DIP2C: variants seen among roughly 807,000 people sequenced by gnomAD.
The protein encoded by DIP2C is DIP2 acetate--CoA ligase C (putative).
In DIP2C, 33 loss-of-function variants were observed where a neutral mutation model predicts 192.4. That is an observed-to-expected ratio of 0.17 (90% CI 0.13 to 0.23). DIP2C has a LOEUF of 0.23. Among genes scored for constraint, DIP2C ranks in the 10% least tolerant of loss-of-function variants. The probability of loss-of-function intolerance (pLI) is 1.00; values close to 1 mark genes in which losing one functional copy is unlikely to be tolerated. For synonymous variants in DIP2C, 979 were observed against 864.1 expected (o/e 1.13, Z -2.33); for missense variants, 1,537 against 2,110.1 (o/e 0.73, Z 5.32).
At chr10:590,491 T>C (rs1851335831) in intron 1 of DIP2C, among the ~76,000 whole-genome samples, 1 of 152,220 alleles carries the variant, frequency 6.6e-6, no homozygotes, top group Non-Finnish European at 1.5e-5. Flanking sequence ...GCTGGTATCT[T>C]ACGGCATATC....
intron 5 of DIP2C, among the ~76,000 whole-genome samples, chr10:419,452 A>G (rs940177262): frequency 6.6e-6 from 1 of 152,238 alleles, no homozygotes; most frequent in African/African-American, 2.4e-5. Flanking sequence ...GAGCCATGTC[A>G]GCAGCATTTT....
intron 2 of DIP2C, among the ~76,000 whole-genome samples, chr10:473,169 A>G (rs186623615): frequency 7.1e-4 from 108 of 152,334 alleles, no homozygotes; most frequent in Middle Eastern, 3.4e-3. Flanking sequence ...GGTCAGATAA[A>G]AACGGTTTAA....
At chr10:464,296 C>A (rs1302255624) in intron 3 of DIP2C, among the ~76,000 whole-genome samples, 5 of 151,082 alleles carry the variant, frequency 3.3e-5, no homozygotes, top group African/African-American at 1.2e-4. Context: ...AACAAATTTA[C>A]AAGAAAAAAC....
At chr10:602,947 C>T (rs372621748) in intron 1 of DIP2C, among the ~76,000 whole-genome samples, 10 of 152,116 alleles carry the variant, frequency 6.6e-5, no homozygotes, top group African/African-American at 1.4e-4. Flanking sequence ...CACCCCTCAC[C>T]GGAGCCGTTG....
chr10:656,163 A>G (rs1412857909), intron 1 of DIP2C, among the ~76,000 whole-genome samples: 1 of 3,058 alleles, frequency 3.3e-4, no homozygotes, highest in Non-Finnish European at 7.7e-4. Flanking sequence ...TGTTTCTTCT[A>G]TTCTATGTTA....
At position 448,774 on chromosome 10, in the gene DIP2C, C is replaced by A. The variant is rs12252513; in HGVS notation, c.269-7778G>T. Among the ~76,000 whole-genome samples, 101 of 143,256 alleles carry A rather than the reference C, an allele frequency of 7.1e-4. 1 individual carries two copies. The highest frequency in any genetic ancestry group is 2.6e-3 in the African/African-American group (98 of 37,186). The allele number at this position is 143,256 out of a possible 152,430, so 94.0% of individuals were successfully genotyped here. On this transcript the variant is annotated intron_variant, in intron 3 of 36. Transcript: ENST00000280886. ...GGCAGCAGGACCCACTCACCCCTGT[C>A]GATACTCAGGATCACACACAGTGGG...
intron 1 of DIP2C, among the ~76,000 whole-genome samples, chr10:499,397 A>G (rs910895194): frequency 1.7e-4 from 26 of 152,316 alleles, no homozygotes; most frequent in African/African-American, 6.3e-4. Context: ...AGACTCTCTA[A>G]TTTATAAAGG....
chr10:291,639 TAC>T (rs879334539), intron 32 of DIP2C, among the ~76,000 whole-genome samples: 2 of 152,228 alleles, frequency 1.3e-5, no homozygotes, highest in South Asian at 2.1e-4. Flanking sequence ...TCTCCACAGT[TAC>T]AGAGTGGGCT....
intron 8 of DIP2C, among the ~76,000 whole-genome samples, chr10:411,468 G>T (rs1332621894): frequency 6.6e-6 from 1 of 152,190 alleles, no homozygotes; most frequent in African/African-American, 2.4e-5. Flanking sequence ...TTCTGTTACT[G>T]ATCCCAAGTT....
chr10:361,622 G>C (rs374364997), intron 22 of DIP2C, among the ~76,000 whole-genome samples: 2 of 152,190 alleles, frequency 1.3e-5, no homozygotes, highest in South Asian at 4.1e-4. Flanking sequence ...CAAACAGTGG[G>C]GAGAGAGGAT....
intron 3 of DIP2C, among the ~76,000 whole-genome samples, chr10:467,534 A>T (rs1337434652): frequency 2.6e-4 from 31 of 119,974 alleles, no homozygotes; most frequent in Admixed American, 2.3e-3. Context: ...AGTATAAAAA[A>T]AAAATAAATA....
At chr10:506,261 A>C (rs947186497) in intron 1 of DIP2C, among the ~76,000 whole-genome samples, 5 of 152,206 alleles carry the variant, frequency 3.3e-5, no homozygotes, top group Non-Finnish European at 7.3e-5. Context: ...GGACTTCTGC[A>C]TGAAGCTAAG....
chr10:672,297 G>A (rs1588741691), intron 1 of DIP2C, among the ~76,000 whole-genome samples: 1 of 150,986 alleles, frequency 6.6e-6, no homozygotes, highest in Admixed American at 6.6e-5. Context: ...GGCCACACAC[G>A]CACGCATGGA....
intron 1 of DIP2C, among the ~76,000 whole-genome samples, chr10:647,774 A>T (rs1395005354): frequency 6.6e-6 from 1 of 150,638 alleles, no homozygotes; most frequent in Non-Finnish European, 1.5e-5. Context: ...GGGAGAGAAC[A>T]GAGCAAAACT....
chr10:406,088 C>T (rs541729411), intron 9 of DIP2C, among the ~76,000 whole-genome samples: 2 of 152,184 alleles, frequency 1.3e-5, no homozygotes, highest in African/African-American at 4.8e-5. Context: ...TAGAGGAACA[C>T]AGGAGTTTAT....
chr10:578,210 G>A (rs530602941), intron 1 of DIP2C, among the ~76,000 whole-genome samples: 3 of 152,156 alleles, frequency 2.0e-5, no homozygotes, highest in East Asian at 1.9e-4. Context: ...CATTTTCAAC[G>A]TTAACAAAGA....
rs541794050 is a variant in DIP2C, at chr10:301,798, T to C, written c.3986+8233A>G. ...ACTGCTCTCCTTTCACACACACACC[T>C]GGCCAGGGGATGTCTGGAGAGTCGG... is the stretch of plus-strand genomic sequence containing the variant. On this transcript the variant is annotated intron_variant, in intron 32 of 36. Coordinates refer to ENST00000280886, the MANE Select transcript of DIP2C (RefSeq NM_014974.3). Among the ~76,000 whole-genome samples, 173 of 152,264 alleles carry C rather than the reference T, an allele frequency of 1.1e-3. 1 individual carries two copies. Among genetic ancestry groups the C allele is most frequent in the African/African-American group, 4.0e-3 (166 of 41,552 alleles).
chr10:426,894 A>C (rs1356263022), intron 4 of DIP2C, among the ~76,000 whole-genome samples: 1 of 152,218 alleles, frequency 6.6e-6, no homozygotes, highest in Non-Finnish European at 1.5e-5. Flanking sequence ...TGCACAGATA[A>C]AAATTAACTC....
Position 666,687 on chromosome 10 carries a change from A to G in DIP2C, c.85+22807T>C, listed in dbSNP as rs1476316331. 6.6e-6 allele frequency: 1 copy of G among 152,058 alleles called. No individual in the cohort carries two copies. The highest frequency in any genetic ancestry group is 2.4e-5 in the African/African-American group (1 of 41,168). The allele number at this position is 152,058 out of a possible 1,614,324, so 9.4% of individuals were successfully genotyped here. A position where few individuals can be genotyped will look rare whatever the true frequency, so the allele number is the denominator to read the frequency against. ...TTAAAAGTTCAATAAACGTGGTGGC[A>G]GCAGCTGAACTGGCTACCACAGGAC... On this transcript the variant is annotated intron_variant, in intron 1 of 36. Transcript: ENST00000280886. The surrounding 1 kb of genome is among the most constrained non-coding windows in gnomAD (Gnocchi z 4.1).
Sources: allele counts gnomAD v4.1 joint callset (sites outside exome capture counted in the v4.1 genomes callset), GRCh38; gene constraint gnomAD v4.1.1; non-coding constraint Gnocchi (gnomAD v3.1); transcripts MANE v1.5; gene names NCBI Gene and HGNC (gene_info 2026-07-23, HGNC 2026-07-21).